Variants in BMP8B observed in about 807,000 individuals in gnomAD.
BMP8B encodes the protein bone morphogenetic protein 8 (osteogenic protein 2).
BMP8B carries 17 observed loss-of-function variants against 30.3 expected under a neutral mutation model. The ratio of observed to expected loss-of-function variants is 0.56; its 90% confidence interval spans 0.38 to 0.84. The LOEUF is 0.84. Ranked by LOEUF, BMP8B falls within the 40% of genes least tolerant of loss-of-function variation. BMP8B has a pLI of 0.00. For missense variants in BMP8B, 253 were observed against 494.6 expected (o/e 0.51, Z 4.63); for synonymous variants, 131 against 214.7 (o/e 0.61, Z 3.41).
In BMP8B at chr1:39,788,530, C is replaced by A; in HGVS notation, c.-45G>T. 1.0e-6 allele frequency: 1 copy of A among 999,316 alleles called. No individual in the cohort carries two copies. The highest frequency in any genetic ancestry group is 1.7e-5 in the African/African-American group (1 of 57,168). 61.9% of individuals were successfully genotyped at this position (999,316 alleles called of 1,614,324 possible). ...GCTGGGGCGCTCAGCGGGCGCGCAT[C>A]GGCTCCGCGGCCGACCCAGGGCCTG... On this transcript the variant is annotated 5_prime_UTR_variant, in exon 1 of 7. Coordinates refer to ENST00000372827, the MANE Select transcript of BMP8B (RefSeq NM_001720.5). The surrounding 1 kb of genome is among the most constrained non-coding windows in gnomAD (Gnocchi z 5.8).
rs555816914 is a variant in BMP8B, at chr1:39,768,631, C to A, written c.674-3814G>T. On this transcript the variant is annotated intron_variant, in intron 3 of 6. Transcript: ENST00000372827. Reference sequence around the variant, plus strand: ...CTTTGGGAGGCCAAGGCAGGTGGATCACCTGAGGCCCAGAGTTTGAGACCA... The same window carrying A: ...CTTTGGGAGGCCAAGGCAGGTGGATAACCTGAGGCCCAGAGTTTGAGACCA... 4.2e-3 allele frequency among the ~76,000 whole-genome samples: 629 copies of A among 149,766 alleles called. 20 individuals are homozygous for A. The highest frequency in any genetic ancestry group is 0.015 in the African/African-American group (605 of 40,446).
rs537973704 is a variant in BMP8B, at chr1:39,768,801, C to G, written c.674-3984G>C. ...GCTTGAACCCAGGAAGCAGGGGTTGCAGTGAGCTGAGACTGGACCACTGTA... is the reference window on the plus strand; with the variant it reads ...GCTTGAACCCAGGAAGCAGGGGTTGGAGTGAGCTGAGACTGGACCACTGTA... On this transcript the variant is annotated intron_variant, in intron 3 of 6. Transcript: ENST00000372827. Among the ~76,000 whole-genome samples the G allele has an allele frequency of 1.1e-4, 16 of 150,588 alleles. 3 individuals are homozygous for G. In the East Asian group the frequency reaches 3.2e-3, roughly 30 times the overall value.
chr1:39,776,786 A>G (rs930678117), intron 1 of BMP8B, among the ~76,000 whole-genome samples: 1 of 152,214 alleles, frequency 6.6e-6, no homozygotes, highest in Admixed American at 6.5e-5. Flanking sequence ...ATCATGTTTA[A>G]TTTAGAAATA....
intron 1 of BMP8B, among the ~76,000 whole-genome samples, chr1:39,776,773 A>C (rs914961): frequency 1.3e-5 from 2 of 152,102 alleles, no homozygotes; most frequent in African/African-American, 4.8e-5. Flanking sequence ...ATCTAATAAG[A>C]TCATCATGTT....
intron 1 of BMP8B, among the ~76,000 whole-genome samples, chr1:39,787,199 T>G (rs1651042806): frequency 6.7e-6 from 1 of 149,816 alleles, no homozygotes; most frequent in South Asian, 2.1e-4. Context: ...GGATGAAGAA[T>G]TAATGATGCT....
At chr1:39,787,493 C>T (rs555341571) in intron 1 of BMP8B, among the ~76,000 whole-genome samples, 1 of 152,190 alleles carries the variant, frequency 6.6e-6, no homozygotes, top group South Asian at 2.1e-4. Context: ...CGGGCTTTGC[C>T]TGGGAGAACA....
chr1:39,769,534 G>T, intron 3 of BMP8B: 1 of 986,892 alleles, frequency 1.0e-6, no homozygotes, highest in Non-Finnish European at 1.4e-6. Flanking sequence ...CTGTTTTCCT[G>T]TTGTTTTTAA....
chr1:39,761,497 A>G (rs1231623691), intron 6 of BMP8B: 1 of 150,300 alleles, frequency 6.7e-6, no homozygotes, highest in Non-Finnish European at 1.5e-5. Flanking sequence ...GGACCAGAAC[A>G]CTGCTTTGCT....
intron 6 of BMP8B, chr1:39,762,474 C>A: frequency 1.3e-6 from 2 of 1,529,620 alleles, no homozygotes; most frequent in Non-Finnish European, 1.8e-6. Flanking sequence ...CAACAGTGAG[C>A]AGCACCAGTG....
At chr1:39,770,147 A>G in intron 3 of BMP8B, 1 of 1,239,450 alleles carries the variant, frequency 8.1e-7, no homozygotes, top group Admixed American at 2.3e-5. Context: ...CCCGGGAAGC[A>G]CCGTGACCGT....
chr1:39,769,272 G>T (rs546852617), intron 3 of BMP8B, among the ~76,000 whole-genome samples: 2 of 150,914 alleles, frequency 1.3e-5, no homozygotes, highest in East Asian at 4.0e-4. Context: ...TCACATCTTT[G>T]CTCGCCTATT....
chr1:39,786,048 A>C (rs533620702), intron 1 of BMP8B, among the ~76,000 whole-genome samples: 11 of 152,142 alleles, frequency 7.2e-5, no homozygotes, highest in Non-Finnish European at 1.3e-4. Context: ...TTTGAAATCC[A>C]CAGCCGTGGA....
chr1:39,762,070 G>C (rs147287919), intron 6 of BMP8B, among the ~76,000 whole-genome samples: 1 of 152,192 alleles, frequency 6.6e-6, no homozygotes, highest in Non-Finnish European at 1.5e-5. Flanking sequence ...GCCGCCCCAC[G>C]CGTCCTCATC....
Position 39,759,751 on chromosome 1 carries a change from A to G in BMP8B, c.*668T>C, listed in dbSNP as rs1648689717. ...CCATGCTCTTACATGTCTTTCCTAG[A>G]TGGCAGAGGCAAATGCAAAGCAGGA... On this transcript the variant is annotated 3_prime_UTR_variant, in exon 7 of 7. Transcript: ENST00000372827. The G allele has an allele frequency of 6.6e-6, 1 of 152,286 alleles. No homozygotes were observed. The highest frequency in any genetic ancestry group is 2.4e-5 in the African/African-American group (1 of 41,462). The allele number at this position is 152,286 out of a possible 1,614,324, so 9.4% of individuals were successfully genotyped here. A position where few individuals can be genotyped will look rare whatever the true frequency, so the allele number is the denominator to read the frequency against.
chr1:39,775,955 G>A (rs1308029075), intron 1 of BMP8B, among the ~76,000 whole-genome samples: 2 of 152,304 alleles, frequency 1.3e-5, no homozygotes, highest in Non-Finnish European at 2.9e-5. Flanking sequence ...AGGGAGAGGG[G>A]ACCTCGCATG....
At position 39,757,201 on chromosome 1, in the gene BMP8B, T is replaced by C. The variant is rs1648370823; in HGVS notation, c.*3218A>G. 1 of 152,270 alleles carries C rather than the reference T, an allele frequency of 6.6e-6. No individual in the cohort carries two copies. Among genetic ancestry groups the C allele is most frequent in the East Asian group, 1.9e-4 (1 of 5,208 alleles). The allele number at this position is 152,270 out of a possible 1,614,324, so 9.4% of individuals were successfully genotyped here. The stretch of plus-strand genomic sequence containing the variant: ...ATCACCTGCAGAACACATTTTGGTT[T>C]AATGGACAGACATAGAAGTGGCTCA... On this transcript the variant is annotated 3_prime_UTR_variant, in exon 7 of 7. Coordinates refer to ENST00000372827, the MANE Select transcript of BMP8B (RefSeq NM_001720.5).
chr1:39,777,823 CCCTCCGG>C (rs1159798519), intron 1 of BMP8B, among the ~76,000 whole-genome samples: 8 of 152,160 alleles, frequency 5.3e-5, no homozygotes, highest in African/African-American at 1.7e-4. Context: ...TGCCATCTGT[CCCTCCGG>C]CCTCTTGTGC....
rs1648378591 is a variant in BMP8B, at chr1:39,757,246, GTAA to G, written c.*3170_*3172del. ...GGCTCAAAAATAAGCAAATTCATTT[GTAA>G]TAATACCAGCAAATACCTATTGTTA... On this transcript the variant is annotated 3_prime_UTR_variant, in exon 7 of 7. Transcript: ENST00000372827. 6.6e-6 allele frequency: 1 copy of G among 152,230 alleles called. No homozygotes were observed. The highest frequency in any genetic ancestry group is 6.5e-5 in the Admixed American group (1 of 15,288). 9.4% of individuals were successfully genotyped at this position (152,230 alleles called of 1,614,324 possible).
rs988839439 is a variant in BMP8B at position 39,758,628 on chromosome 1, A to T, written c.*1791T>A. The T allele has an allele frequency of 6.6e-6, 1 of 152,286 alleles. No individual in the cohort carries two copies. Among genetic ancestry groups the T allele is most frequent in the Non-Finnish European group, 1.5e-5 (1 of 68,064 alleles). The allele number at this position is 152,286 out of a possible 1,614,324, so 9.4% of individuals were successfully genotyped here. A position where few individuals can be genotyped will look rare whatever the true frequency, so the allele number is the denominator to read the frequency against. ...GGCTCACTATGAGGAGTTGGTAGAC[A>T]GATTCTTTGGCTGAAGGTTGTTTGG... On this transcript the variant is annotated 3_prime_UTR_variant, in exon 7 of 7. Transcript: ENST00000372827.
Sources: gnomAD v4.1 joint callset for allele counts (sites outside exome capture counted in the v4.1 genomes callset) on GRCh38, gnomAD v4.1.1 for gene constraint, Gnocchi (gnomAD v3.1) non-coding constraint, MANE v1.5 for transcripts, NCBI Gene and HGNC (gene_info 2026-07-23, HGNC 2026-07-21) for gene names.